FSTL4: variants seen among roughly 807,000 people sequenced by gnomAD.
FSTL4 encodes follistatin-related protein 4.
A neutral mutation model predicts 78.2 loss-of-function variants in FSTL4; 28 were observed. That is an observed-to-expected ratio of 0.36 (90% CI 0.27 to 0.49). FSTL4 has a LOEUF of 0.49. FSTL4 is among the 20% of genes least tolerant of loss of function. FSTL4 has a pLI of 0.98. For missense variants in FSTL4, 922 were observed against 1,084.9 expected, an observed-to-expected ratio of 0.85 and a Z score of 2.11; for synonymous variants, 422 against 440.5, an observed-to-expected ratio of 0.96 and a Z score of 0.53.
At chr5:133,841,130 A>C in the FSTL4 span, among the ~76,000 whole-genome samples, 1 of 152,232 alleles carries the variant, frequency 6.6e-6, no homozygotes, top group Admixed American at 6.5e-5. Flanking sequence ...CAACAGTATC[A>C]GACTATGGAA....
At chr5:133,746,450 A>T in the FSTL4 span, among the ~76,000 whole-genome samples, 1 of 152,116 alleles carries the variant, frequency 6.6e-6, no homozygotes, top group South Asian at 2.1e-4. Context: ...AATGTACTTT[A>T]TATCTGAATC....
At chr5:133,405,630 G>A (rs979321923) in intron 3 of FSTL4, among the ~76,000 whole-genome samples, 5 of 152,158 alleles carry the variant, frequency 3.3e-5, no homozygotes, top group Non-Finnish European at 5.9e-5. Context: ...GCGCATCCAG[G>A]GATTGGACAT....
rs139316846 is a variant in FSTL4, at chr5:133,561,746, C to T, written c.160+5440G>A. Among the ~76,000 whole-genome samples, 477 of 152,206 alleles carry T rather than the reference C, an allele frequency of 3.1e-3. 5 individuals are homozygous for T. The highest frequency in any genetic ancestry group is 0.014 in the Middle Eastern group (4 of 294). The stretch of plus-strand genomic sequence containing the variant: ...ACTGATGGTTTGTACTATTACTATC[C>T]GCATCCTTTTTCAGGTAAGGTTGAG... On this transcript the variant is annotated intron_variant, in intron 3 of 15. Transcript: ENST00000265342.
At chr5:133,634,175 T>C in the FSTL4 span, among the ~76,000 whole-genome samples, 2 of 152,126 alleles carry the variant, frequency 1.3e-5, no homozygotes, top group Non-Finnish European at 2.9e-5. Flanking sequence ...TCTGACACCA[T>C]TGTGGTGATG....
chr5:133,230,270 C>T (rs1280900583), intron 8 of FSTL4, among the ~76,000 whole-genome samples: 3 of 152,142 alleles, frequency 2.0e-5, no homozygotes, highest in Non-Finnish European at 4.4e-5. Context: ...TCACCCCCAG[C>T]GTCTGATTCC....
intron 7 of FSTL4, 110 bp from the exon 8 acceptor site, chr5:133,233,647 C>T: frequency 7.4e-7 from 1 of 1,346,780 alleles, no homozygotes; most frequent in Non-Finnish European, 1.0e-6. Context: ...GAGTTCCTTT[C>T]TGCCTGGCCC....
chr5:133,706,115 G>T, the FSTL4 span, among the ~76,000 whole-genome samples: 1 of 152,172 alleles, frequency 6.6e-6, no homozygotes, highest in African/African-American at 2.4e-5. Flanking sequence ...ATGGAATCAA[G>T]TCTATCCCTG....
the FSTL4 span, among the ~76,000 whole-genome samples, chr5:133,802,412 C>A: frequency 5.9e-5 from 9 of 152,164 alleles, no homozygotes; most frequent in Admixed American, 3.3e-4. Flanking sequence ...CAGGGAAAAA[C>A]CAAATATGAC....
the FSTL4 span, among the ~76,000 whole-genome samples, chr5:133,641,279 C>CAAAAAAA: frequency 1.0e-5 from 1 of 100,496 alleles, no homozygotes; most frequent in Non-Finnish European, 2.4e-5. Context: ...CAAAAAAAAA[C>CAAAAAAA]ACGTACTGAT....
the FSTL4 span, among the ~76,000 whole-genome samples, chr5:133,763,696 C>T: frequency 6.6e-6 from 1 of 152,156 alleles, no homozygotes; most frequent in Non-Finnish European, 1.5e-5. Context: ...CCTCCCCCAA[C>T]CAACCCTGGG....
intron 3 of FSTL4, among the ~76,000 whole-genome samples, chr5:133,560,176 G>A (rs1009899366): frequency 3.3e-5 from 5 of 152,322 alleles, no homozygotes; most frequent in Middle Eastern, 3.4e-3. Context: ...TGTGGCTCTT[G>A]GGGAGGATTT....
chr5:133,648,128 C>T, the FSTL4 span, among the ~76,000 whole-genome samples: 3 of 152,152 alleles, frequency 2.0e-5, no homozygotes, highest in Non-Finnish European at 4.4e-5. Context: ...TCTTTTTCTT[C>T]CCAGTCTCAG....
chr5:133,235,873 C>G (rs952163824), intron 7 of FSTL4, among the ~76,000 whole-genome samples: 1 of 151,926 alleles, frequency 6.6e-6, no homozygotes, highest in Non-Finnish European at 1.5e-5. Context: ...ATTCTGGGAC[C>G]GACATATTTC....
chr5:133,701,053 C>G, the FSTL4 span, among the ~76,000 whole-genome samples: 1 of 152,148 alleles, frequency 6.6e-6, no homozygotes, highest in Non-Finnish European at 1.5e-5. Flanking sequence ...ATTTTGACAA[C>G]TGTCCAGGGT....
chr5:133,379,991 C>T (rs1329514868), intron 4 of FSTL4, among the ~76,000 whole-genome samples: 3 of 151,844 alleles, frequency 2.0e-5, no homozygotes, highest in Admixed American at 6.6e-5. Context: ...AGGAGAATGG[C>T]GTGAACCTGA....
At chr5:133,319,013 G>A (rs568234555) in intron 4 of FSTL4, among the ~76,000 whole-genome samples, 4 of 152,220 alleles carry the variant, frequency 2.6e-5, no homozygotes, top group Non-Finnish European at 5.9e-5. Flanking sequence ...CCCCCTGTGA[G>A]CAGGGGTCTG....
chr5:133,210,336 T>C, intron 13 of FSTL4, 38 bp from the exon 14 acceptor site: 1 of 1,206,466 alleles, frequency 8.3e-7, no homozygotes, highest in Non-Finnish European at 1.2e-6. Context: ...AAAGCTGACA[T>C]GATGGTCATT....
intron 3 of FSTL4, among the ~76,000 whole-genome samples, chr5:133,530,536 A>C (rs115262795): frequency 0.011 from 1,733 of 152,330 alleles, 33 homozygotes; most frequent in African/African-American, 0.039. Flanking sequence ...AATGAAGCAA[A>C]TCTAGTTTCT....
intron 6 of FSTL4, among the ~76,000 whole-genome samples, chr5:133,277,202 G>C (rs1752903212): frequency 6.6e-6 from 1 of 152,124 alleles, no homozygotes. Context: ...TGTAATCCCA[G>C]CTACTTGGGA....
Sources: gnomAD v4.1 joint callset for allele counts (sites outside exome capture counted in the v4.1 genomes callset) on GRCh38, gnomAD v4.1.1 for gene constraint, MANE v1.5 for transcripts, NCBI Gene and HGNC (gene_info 2026-07-23, HGNC 2026-07-21) for gene names.